The following CAND2 variants were observed in gnomAD, a reference collection of about 807,000 sequenced individuals.
CAND2 encodes the protein cullin-associated NEDD8-dissociated protein 2.
A neutral mutation model predicts 98.9 loss-of-function variants in CAND2; 62 were observed. The observed-to-expected ratio is 0.63, with a 90% confidence interval of 0.51 to 0.77. CAND2 has a LOEUF of 0.77. CAND2 is among the 30% of genes least tolerant of loss of function. The pLI, the probability that CAND2 is intolerant of heterozygous loss-of-function variation, is 0.00. For synonymous variants in CAND2, 770 were observed against 731.9 expected (o/e 1.05, Z -0.84); for missense variants, 1,501 against 1,655.2 (o/e 0.91, Z 1.62).
chr3:12,818,974 C>G (rs117826711), intron 10 of CAND2, among the ~76,000 whole-genome samples: 1 of 152,188 alleles, frequency 6.6e-6, no homozygotes, highest in Non-Finnish European at 1.5e-5. Flanking sequence ...ACCAGCCACC[C>G]GGTCACATTT....
chr3:12,809,479 A>G (rs750978057), intron 4 of CAND2, among the ~76,000 whole-genome samples: 2 of 152,174 alleles, frequency 1.3e-5, no homozygotes, highest in Non-Finnish European at 2.9e-5. Context: ...AGTGAGAAAG[A>G]AAAGGTCTCA....
chr3:12,803,358 T>C, intron 1 of CAND2, 130 bp from the exon 2 acceptor site: 1 of 760,454 alleles, frequency 1.3e-6, no homozygotes, highest in Non-Finnish European at 2.0e-6. Flanking sequence ...AACATCATTA[T>C]GTGACACAGG....
chr3:12,810,607 T>A (rs1467314723), intron 5 of CAND2, among the ~76,000 whole-genome samples: 3 of 152,228 alleles, frequency 2.0e-5, no homozygotes, highest in Non-Finnish European at 4.4e-5. Flanking sequence ...GAGCCCCTGC[T>A]GAGTGCAGAC....
rs1028138679 is a variant in CAND2 at position 12,812,620 on chromosome 3, A to T, written c.758-370A>T. 3.3e-5 allele frequency among the ~76,000 whole-genome samples: 5 copies of T among 151,692 alleles called. 1 individual carries two copies. The highest frequency in any genetic ancestry group is 7.4e-5 in the Non-Finnish European group (5 of 67,908). ...GGGGTTTCACCTTGTTAGCCAGGAT[A>T]GTCTCGATCTCCTGACCTCATGATC... On this transcript the variant is annotated intron_variant, in intron 5 of 14. Coordinates refer to ENST00000456430, the MANE Select transcript of CAND2 (RefSeq NM_001162499.2).
At chr3:12,818,008 A>C in intron 10 of CAND2, 132 bp downstream of exon 10, 1 of 773,704 alleles carries the variant, frequency 1.3e-6, no homozygotes, top group Non-Finnish European at 1.9e-6. Flanking sequence ...TATACGACAG[A>C]GGCAAGGAAG....
At chr3:12,812,740 A>G (rs1000443222) in intron 5 of CAND2, among the ~76,000 whole-genome samples, 2 of 152,226 alleles carry the variant, frequency 1.3e-5, no homozygotes, top group Admixed American at 6.5e-5. Flanking sequence ...ATCTCTGCCC[A>G]GGAGGCACTG....
chr3:12,833,522 G>GTA (rs1372090409), intron 14 of CAND2, among the ~76,000 whole-genome samples: 1 of 152,176 alleles, frequency 6.6e-6, no homozygotes, highest in East Asian at 1.9e-4. Context: ...CCCTCAGGCT[G>GTA]TACTCAAGCT....
chr3:12,817,040 TCAA>T lies in CAND2; in HGVS notation c.2110_2112del (p.Asn704del). On this transcript the variant is annotated inframe_deletion, in exon 10 of 15. Transcript: ENST00000456430. ...GTGCTGGCTGAGCTGCCTGCCCTGG[TCAA>T]CGAGAGCGACATGCATGTGGCCCAG... 1 of 1,612,966 alleles carries T rather than the reference TCAA, an allele frequency of 6.2e-7. No individual in the cohort carries two copies. The highest frequency in any genetic ancestry group is 8.5e-7 in the Non-Finnish European group (1 of 1,179,926).
rs1345917141 is a variant in CAND2 at position 12,810,340 on chromosome 3, G to A, written c.757+16G>A. 2.1e-6 allele frequency: 3 copies of A among 1,429,188 alleles called. No individual in the cohort carries two copies. Among genetic ancestry groups the A allele is most frequent in the Middle Eastern group, 5.0e-4 (2 of 4,016 alleles). 88.5% of individuals were successfully genotyped at this position (1,429,188 alleles called of 1,614,324 possible). On this transcript the variant is annotated intron_variant, in intron 5 of 14. Coordinates refer to ENST00000456430, the MANE Select transcript of CAND2 (RefSeq NM_001162499.2). ...CACCGCCTCGGTAAGGGGGCAGGGG[G>A]CGGGGCCTGGGCTGGCATGGTGGGC...
Position 12,834,265 on chromosome 3 carries a change from C to T in CAND2, c.*283C>T, listed in dbSNP as rs2062081093. 1 of 435,362 alleles carries T rather than the reference C, an allele frequency of 2.3e-6. No homozygotes were observed. The highest frequency in any genetic ancestry group is 4.2e-6 in the Non-Finnish European group (1 of 236,388). The allele number at this position is 435,362 out of a possible 1,614,324, so 27.0% of individuals were successfully genotyped here. On this transcript the variant is annotated 3_prime_UTR_variant, in exon 15 of 15. Coordinates refer to ENST00000456430, the MANE Select transcript of CAND2 (RefSeq NM_001162499.2). ...TTTTCCAGTGACTTCACACTGTACC[C>T]CTCCATAGTCTGTCTGGTTCCTTCA...
chr3:12,817,201 G>A lies in CAND2; in HGVS notation c.2269G>A (p.Ala757Thr), dbSNP rs1485197057. The A allele has an allele frequency of 6.2e-7, 1 of 1,613,450 alleles. No individual in the cohort carries two copies. The highest frequency in any genetic ancestry group is 8.5e-7 in the Non-Finnish European group (1 of 1,180,002). The part of the protein sequence containing the change: ...PLLPAGVLAA[A>T]EGFLQALVGT... ...GTTGCCAGCCGGGGTTCTGGCAGCT[G>A]CTGAAGGCTTCCTGCAGGCCCTGGT... The change falls in exon 10 of 15, where the codon GCT (alanine) becomes ACT (threonine). Residue 757 changes from alanine (A) to threonine (T), a missense_variant. Ala to Thr is a moderately conservative substitution (Grantham distance 58). Around this residue, in one of 3 missense-constraint regions of CAND2, gnomAD observed 1,427 missense variants for 1,545.3 expected, o/e 0.92. Coordinates refer to ENST00000456430, the MANE Select transcript of CAND2 (RefSeq NM_001162499.2).
intron 1 of CAND2, 79 bp downstream of exon 1, chr3:12,796,867 C>A: frequency 8.5e-7 from 1 of 1,179,528 alleles, no homozygotes; most frequent in Non-Finnish European, 1.2e-6. Flanking sequence ...AGCGCCAGCC[C>A]ATCCCCCATG....
Position 12,807,090 on chromosome 3 carries a change from C to T in CAND2, c.213-216C>T, listed in dbSNP as rs926615836. 32 of 482,086 alleles carry T rather than the reference C, an allele frequency of 6.6e-5. No individual in the cohort carries two copies. The Admixed American group carries it at 8.9e-4, about 13-fold the overall frequency. The allele number at this position is 482,086 out of a possible 1,614,324, so 29.9% of individuals were successfully genotyped here. On this transcript the variant is annotated intron_variant, in intron 2 of 14. Transcript: ENST00000456430. ...AGCACTATTTGGCCATTTCCTGAGA[C>T]GTAAAACACAAGAAGAAATGTAGGT...
intron 4 of CAND2, among the ~76,000 whole-genome samples, chr3:12,809,613 C>A (rs1333631985): frequency 6.6e-6 from 1 of 152,040 alleles, no homozygotes; most frequent in Non-Finnish European, 1.5e-5. Flanking sequence ...TTGTCTTGAG[C>A]CCAGAGCTCA....
intron 5 of CAND2, 90 bp from the exon 6 acceptor site, chr3:12,812,900 T>C: frequency 2.6e-6 from 2 of 782,442 alleles, no homozygotes; most frequent in South Asian, 3.1e-5. Context: ...TGGTCAGGGC[T>C]GCAGGTGCAT....
In CAND2 at chr3:12,831,464, G is replaced by A; in HGVS notation, c.3376-1G>A. 1 of 1,613,330 alleles carries A rather than the reference G, an allele frequency of 6.2e-7. No homozygotes were observed. Among genetic ancestry groups the A allele is most frequent in the Non-Finnish European group, 8.5e-7 (1 of 1,179,378 alleles). ...AAGAACCATCTCCTTCCTCTGGGCA[G>A]ATGCTGACCTTCATCATGGTTGCCC... is the stretch of plus-strand genomic sequence containing the variant. On this transcript the variant is annotated splice_acceptor_variant, in intron 13 of 14. Transcript: ENST00000456430. LOFTEE classifies it high-confidence loss of function.
intron 12 of CAND2, among the ~76,000 whole-genome samples, chr3:12,826,763 A>G (rs1040539393): frequency 1.3e-5 from 2 of 151,424 alleles, no homozygotes; most frequent in Non-Finnish European, 2.9e-5. Flanking sequence ...TAACCTGTCC[A>G]GCTCAGTTAA....
chr3:12,819,229 G>C (rs2061934896), intron 10 of CAND2, among the ~76,000 whole-genome samples: 1 of 152,220 alleles, frequency 6.6e-6, no homozygotes, highest in Non-Finnish European at 1.5e-5. Flanking sequence ...AAGGGAAAGA[G>C]GTAAAAGCTG....
chr3:12,827,412 A>G (rs781217202), intron 12 of CAND2, 28 bp from the exon 13 acceptor site: 12 of 1,602,444 alleles, frequency 7.5e-6, no homozygotes, highest in Middle Eastern at 1.7e-4. Context: ...CCCTGGGGCC[A>G]TATCACCAAC....
Sources: allele counts gnomAD v4.1 joint callset (sites outside exome capture counted in the v4.1 genomes callset), GRCh38; gene constraint gnomAD v4.1.1; regional missense constraint gnomAD v4.1.1; transcripts MANE v1.5; gene names NCBI Gene and HGNC (gene_info 2026-07-23, HGNC 2026-07-21).